The following PCDH9 variants were observed in gnomAD, a reference collection of about 807,000 sequenced individuals.
The protein encoded by PCDH9 is protocadherin-9.
A neutral mutation model predicts 70.6 loss-of-function variants in PCDH9; 24 were observed. The ratio of observed to expected loss-of-function variants is 0.34; its 90% CI spans 0.25 to 0.48. The LOEUF (loss-of-function observed/expected upper bound fraction) is 0.48, where lower values mean the gene tolerates loss of function less well. Ranked by LOEUF, PCDH9 falls within the 20% of genes least tolerant of loss-of-function variation. The pLI is 0.99. For missense variants in PCDH9, 1,281 were observed against 1,503.6 expected (o/e 0.85, Z 2.45); for synonymous variants, 562 against 558.5 (o/e 1.01, Z -0.09).
intron 2 of PCDH9, among the ~76,000 whole-genome samples, chr13:67,158,655 A>T (rs9541023): frequency 0.18 from 27,695 of 152,134 alleles, 2,790 homozygotes; most frequent in Non-Finnish European, 0.21. Context: ...CATCTTGGAC[A>T]GTCCAGACTC....
intron 4 of PCDH9, among the ~76,000 whole-genome samples, chr13:66,576,193 C>A (rs1264532638): frequency 6.6e-6 from 1 of 151,728 alleles, no homozygotes; most frequent in Non-Finnish European, 1.5e-5. Context: ...TTTATAAACA[C>A]TTTATTTCTT....
chr13:66,461,055 G>A (rs1958414934), intron 4 of PCDH9, among the ~76,000 whole-genome samples: 2 of 151,824 alleles, frequency 1.3e-5, no homozygotes. Context: ...AATTTAGACT[G>A]TCCATATCCT....
At chr13:66,368,500 C>T (rs1219402489) in intron 4 of PCDH9, among the ~76,000 whole-genome samples, 1 of 151,124 alleles carries the variant, frequency 6.6e-6, no homozygotes, top group African/African-American at 2.4e-5. Flanking sequence ...ATTTCAGAAC[C>T]AGTTTCTGAA....
At chr13:66,725,220 C>T (rs1298872023) in intron 3 of PCDH9, among the ~76,000 whole-genome samples, 1 of 152,182 alleles carries the variant, frequency 6.6e-6, no homozygotes, top group East Asian at 1.9e-4. Context: ...GCTCAACTTT[C>T]AAAAGATATC....
chr13:66,805,542 C>T (rs1217850680), intron 3 of PCDH9, among the ~76,000 whole-genome samples: 5 of 152,080 alleles, frequency 3.3e-5, no homozygotes, highest in African/African-American at 1.2e-4. Flanking sequence ...CTTTAATCCC[C>T]TTATGTTGCA....
intron 3 of PCDH9, among the ~76,000 whole-genome samples, chr13:66,753,259 C>T (rs572918877): frequency 4.6e-5 from 7 of 152,038 alleles, no homozygotes; most frequent in South Asian, 4.1e-4. Context: ...CATAACACAA[C>T]GTTATAGCTA....
At chr13:66,690,009 T>C (rs2078460107) in intron 3 of PCDH9, among the ~76,000 whole-genome samples, 1 of 152,202 alleles carries the variant, frequency 6.6e-6, no homozygotes, top group South Asian at 2.1e-4. Context: ...TTGATGAGCA[T>C]TATCTTAGTT....
At chr13:67,185,869 A>T (rs1199027761) in intron 2 of PCDH9, among the ~76,000 whole-genome samples, 1 of 152,148 alleles carries the variant, frequency 6.6e-6, no homozygotes, top group Non-Finnish European at 1.5e-5. Context: ...AGTAGCTGGG[A>T]TTACAGGCAT....
intron 4 of PCDH9, among the ~76,000 whole-genome samples, chr13:66,623,200 T>C (rs2077452442): frequency 6.6e-6 from 1 of 152,242 alleles, no homozygotes; most frequent in African/African-American, 2.4e-5. Context: ...CCGGACACAC[T>C]ATCAGCCGAC....
At chr13:66,732,847 G>T (rs1234318933) in intron 3 of PCDH9, among the ~76,000 whole-genome samples, 1 of 151,924 alleles carries the variant, frequency 6.6e-6, no homozygotes, top group Non-Finnish European at 1.5e-5. Context: ...ATCTATGAGA[G>T]ATATTTTATG....
intron 4 of PCDH9, among the ~76,000 whole-genome samples, chr13:66,619,076 T>G (rs1469649225): frequency 6.6e-6 from 1 of 152,214 alleles, no homozygotes; most frequent in African/African-American, 2.4e-5. Flanking sequence ...ACATTTGAGA[T>G]TGACAGCTTC....
intron 4 of PCDH9, among the ~76,000 whole-genome samples, chr13:66,416,950 T>A (rs551892026): frequency 6.6e-6 from 1 of 152,320 alleles, no homozygotes; most frequent in East Asian, 1.9e-4. Context: ...TATCAAATAT[T>A]TTAACTGTTA....
chr13:66,420,341 C>T (rs986225672), intron 4 of PCDH9, among the ~76,000 whole-genome samples: 4 of 152,204 alleles, frequency 2.6e-5, no homozygotes, highest in African/African-American at 9.6e-5. Context: ...AGACTGCCTC[C>T]TCAAGTGGGT....
intron 2 of PCDH9, among the ~76,000 whole-genome samples, chr13:67,014,913 A>C (rs2084528312): frequency 6.6e-6 from 1 of 152,086 alleles, no homozygotes; most frequent in African/African-American, 2.4e-5. Context: ...TCTTGAATTA[A>C]TTGTCTACCC....
intron 4 of PCDH9, among the ~76,000 whole-genome samples, chr13:66,464,726 GA>G: frequency 6.6e-6 from 1 of 152,006 alleles, no homozygotes; most frequent in Middle Eastern, 3.4e-3. Flanking sequence ...CTATTTGCAG[GA>G]AAGTGCATTA....
chr13:66,824,398 G>A lies in PCDH9; in HGVS notation c.3138+79106C>T, dbSNP rs1167926018. Among the ~76,000 whole-genome samples, 6 of 147,806 alleles carry A rather than the reference G, an allele frequency of 4.1e-5. No individual in the cohort carries two copies. In the South Asian group the frequency reaches 6.4e-4, roughly 16 times the overall value. On this transcript the variant is annotated intron_variant, in intron 3 of 4. Coordinates refer to ENST00000377865, the MANE Select transcript of PCDH9 (RefSeq NM_203487.3). ...AGGCCCAGCGCGGTGGCTCATGCCT[G>A]TAATCCCAGCACTTTGGGAGGCCAA...
intron 3 of PCDH9, among the ~76,000 whole-genome samples, chr13:66,811,835 C>T (rs1328778400): frequency 6.8e-6 from 1 of 147,900 alleles, no homozygotes; most frequent in African/African-American, 2.5e-5. Context: ...TCTTTCTTTT[C>T]CTTGGTTACA....
intron 3 of PCDH9, among the ~76,000 whole-genome samples, chr13:66,722,696 G>A (rs1005634326): frequency 2.0e-5 from 3 of 152,032 alleles, no homozygotes; most frequent in African/African-American, 7.2e-5. Context: ...TGCCGGGCGC[G>A]GTGGCTCACG....
chr13:67,034,858 T>C (rs1031145694), intron 2 of PCDH9, among the ~76,000 whole-genome samples: 21 of 151,954 alleles, frequency 1.4e-4, no homozygotes, highest in African/African-American at 4.8e-4. Context: ...CAGTGACATA[T>C]CACTGCTGAA....
Sources: allele counts gnomAD v4.1 joint callset (sites outside exome capture counted in the v4.1 genomes callset), GRCh38; gene constraint gnomAD v4.1.1; transcripts MANE v1.5; gene names NCBI Gene and HGNC (gene_info 2026-07-23, HGNC 2026-07-21).